STAM: variants seen among roughly 807,000 people sequenced by gnomAD.
STAM encodes signal transducing adapter molecule 1.
In STAM, 16 loss-of-function variants were observed where a neutral mutation model predicts 63.4. The observed-to-expected ratio is 0.25, with a 90% CI of 0.17 to 0.38. STAM has a LOEUF of 0.38. STAM is among the 10% of genes least tolerant of loss of function. The pLI, the probability that STAM is intolerant of heterozygous loss-of-function variation, is 1.00. For synonymous variants in STAM, 238 were observed against 223.9 expected, an observed-to-expected ratio of 1.06 and a Z score of -0.56; for missense variants, 636 against 657.1, an observed-to-expected ratio of 0.97 and a Z score of 0.35.
intron 2 of STAM, among the ~76,000 whole-genome samples, chr10:17,671,409 T>A (rs1834635194): frequency 1.3e-5 from 2 of 152,234 alleles, no homozygotes; most frequent in Non-Finnish European, 2.9e-5. Flanking sequence ...TCTAGGAGTT[T>A]TGTATTAACA....
intron 2 of STAM, among the ~76,000 whole-genome samples, chr10:17,682,377 G>A (rs1354576030): frequency 2.0e-5 from 3 of 152,154 alleles, no homozygotes; most frequent in Admixed American, 6.5e-5. Context: ...TCTGTTGATG[G>A]GCATTTGGAT....
intron 1 of STAM, among the ~76,000 whole-genome samples, chr10:17,659,463 CTTTTTTT>C (rs1223509007): frequency 5.6e-5 from 6 of 107,524 alleles, no homozygotes; most frequent in South Asian, 6.3e-4. Flanking sequence ...TTCTCTTCCT[CTTTTTTT>C]TTTTTTTTTT....
chr10:17,700,332 G>A, intron 9 of STAM, 53 bp downstream of exon 9: 1 of 1,384,034 alleles, frequency 7.2e-7, no homozygotes, highest in Non-Finnish European at 9.8e-7. Context: ...AAATTTAAAT[G>A]GTTTTGCTTT....
chr10:17,651,064 C>CAAA (rs10606057), intron 1 of STAM, among the ~76,000 whole-genome samples: 9 of 55,752 alleles, frequency 1.6e-4, no homozygotes, highest in South Asian at 8.4e-4. Flanking sequence ...GAGTCCGTCT[C>CAAA]AAAAAAAAAA....
rs1357132644 is a variant in STAM at position 17,670,550 on chromosome 10, C to T, written c.125+10002C>T. ...TTTTGGTGATTCCTCTCTCCCCATA[C>T]GTTATGTTACATTGTGTTTTGTTTG... is the stretch of plus-strand genomic sequence containing the variant. On this transcript the variant is annotated intron_variant, in intron 2 of 13. Transcript: ENST00000377524. Among the ~76,000 whole-genome samples the T allele has an allele frequency of 5.3e-5, 8 of 152,130 alleles. No homozygotes were observed. In the East Asian group the frequency reaches 9.6e-4, roughly 18 times the overall value.
chr10:17,679,062 C>A (rs1443196521), intron 2 of STAM, among the ~76,000 whole-genome samples: 1 of 152,158 alleles, frequency 6.6e-6, no homozygotes, highest in Non-Finnish European at 1.5e-5. Flanking sequence ...TAATACTACT[C>A]TGAACATGGG....
chr10:17,670,226 T>C (rs782728128), intron 2 of STAM, among the ~76,000 whole-genome samples: 5 of 152,176 alleles, frequency 3.3e-5, no homozygotes, highest in Non-Finnish European at 5.9e-5. Context: ...GCCTAGACAA[T>C]GATTTTACTT....
intron 6 of STAM, 43 bp from the exon 7 acceptor site, chr10:17,695,006 A>T: frequency 6.3e-7 from 1 of 1,578,466 alleles, no homozygotes; most frequent in Non-Finnish European, 8.6e-7. Flanking sequence ...AGACTGTTGG[A>T]TATAATAACA....
At position 17,705,741 on chromosome 10, in the gene STAM, G is replaced by A. The variant is rs1554829170; in HGVS notation, c.1209G>A (p.Gln403=). Residue 403 remains glutamine, a splice_region_variant and synonymous_variant, in exon 12 of 14, where the codon CAG becomes CAA. Transcript: ENST00000377524. ...AGTCATCTGGTGTTTCTGGTTCTCAGGTAAGCTTTTAGAAGCCCATGTTGT... is the reference window on the plus strand; with the variant it reads ...AGTCATCTGGTGTTTCTGGTTCTCAAGTAAGCTTTTAGAAGCCCATGTTGT... ...YMQSSGVSGS[Q]VYAGPPPSGA... 6.2e-7 allele frequency: 1 copy of A among 1,610,462 alleles called. No homozygotes were observed. The highest frequency in any genetic ancestry group is 1.7e-5 in the Admixed American group (1 of 59,360).
chr10:17,705,668 C>T lies in STAM; in HGVS notation c.1136C>T (p.Pro379Leu), dbSNP rs781907224. Residue 379 changes from proline (P) to leucine (L), a missense_variant, in exon 12 of 14, where the codon CCG (proline) becomes CTG (leucine). By Grantham distance (98) the Pro-to-Leu change is moderately conservative. This residue lies in a region of STAM where 532 missense variants were observed against 536.9 expected (regional missense o/e 0.99). Transcript: ENST00000377524. ...TATACCAAGTTAATGAACGAAGATC[C>T]GATGTATTCCATGTATGCAAAGTTA... is the stretch of plus-strand genomic sequence containing the variant. ...SLYTKLMNED[P>L]MYSMYAKLQN... 1.9e-6 allele frequency: 3 copies of T among 1,613,794 alleles called. No individual in the cohort carries two copies. Among genetic ancestry groups the T allele is most frequent in the East Asian group, 2.2e-5 (1 of 44,866 alleles).
intron 1 of STAM, among the ~76,000 whole-genome samples, chr10:17,655,722 A>G (rs183399036): frequency 1.3e-5 from 2 of 152,202 alleles, no homozygotes; most frequent in African/African-American, 4.8e-5. Context: ...GTCAAGACCA[A>G]CCATTACAGA....
chr10:17,647,718 GGTTGA>G (rs1356846184), intron 1 of STAM, among the ~76,000 whole-genome samples: 1 of 151,958 alleles, frequency 6.6e-6, no homozygotes, highest in Non-Finnish European at 1.5e-5. Flanking sequence ...TTGTTAAGAG[GGTTGA>G]GTTAATATTT....
chr10:17,656,026 T>G (rs1473198310), intron 1 of STAM, among the ~76,000 whole-genome samples: 6 of 151,932 alleles, frequency 3.9e-5, no homozygotes, highest in Non-Finnish European at 8.8e-5. Context: ...GAAGGTAGTT[T>G]CCTCACGCCT....
chr10:17,648,176 C>A (rs1833591223), intron 1 of STAM, among the ~76,000 whole-genome samples: 1 of 152,156 alleles, frequency 6.6e-6, no homozygotes, highest in South Asian at 2.1e-4. Context: ...ACTAGCTGGA[C>A]TTCCTGGGTC....
chr10:17,657,688 A>C (rs961508203), intron 1 of STAM, among the ~76,000 whole-genome samples: 4 of 152,194 alleles, frequency 2.6e-5, no homozygotes, highest in Admixed American at 1.3e-4. Context: ...GTATTTCAGC[A>C]GATTATGTCT....
intron 1 of STAM, among the ~76,000 whole-genome samples, chr10:17,652,595 A>G (rs1833783777): frequency 6.6e-6 from 1 of 152,174 alleles, no homozygotes; most frequent in African/African-American, 2.4e-5. Context: ...ATGCTTAGCT[A>G]TTATGTTTTT....
Position 17,695,143 on chromosome 10 carries a change from T to A in STAM, c.630T>A (p.His210Gln), listed in dbSNP as rs545861882. 6.8e-6 allele frequency: 11 copies of A among 1,614,104 alleles called. No individual in the cohort carries two copies. Among genetic ancestry groups the A allele is most frequent in the Non-Finnish European group, 9.3e-6 (11 of 1,179,990 alleles). ...CCAGTCTCTTAACTAACCACCAACA[T>A]GAAGGCCGAAAAGTTCGTGCTATAT... ...STSSLLTNHQ[H>Q]EGRKVRAIYD... Residue 210 changes from histidine (H) to glutamine (Q), a missense_variant, in exon 7 of 14, where the codon CAT becomes CAA. Around this residue, in one of 3 missense-constraint regions of STAM, gnomAD observed 532 missense variants for 536.9 expected, o/e 0.99. Coordinates refer to ENST00000377524, the MANE Select transcript of STAM (RefSeq NM_003473.4).
At chr10:17,683,831 A>C (rs1554825770) in intron 2 of STAM, among the ~76,000 whole-genome samples, 1 of 152,182 alleles carries the variant, frequency 6.6e-6, no homozygotes, top group African/African-American at 2.4e-5. Context: ...TCATGTCTTC[A>C]TATCATTTTA....
intron 2 of STAM, among the ~76,000 whole-genome samples, chr10:17,663,738 G>C (rs191916799): frequency 1.3e-5 from 2 of 152,028 alleles, no homozygotes; most frequent in African/African-American, 2.4e-5. Flanking sequence ...CAATAATTGA[G>C]ATACCATTCT....
Sources: gnomAD v4.1 joint callset for allele counts (sites outside exome capture counted in the v4.1 genomes callset) on GRCh38, gnomAD v4.1.1 for gene constraint, gnomAD v4.1.1 regional missense constraint, MANE v1.5 for transcripts, NCBI Gene and HGNC (gene_info 2026-07-23, HGNC 2026-07-21) for gene names.